Variants in ATXN7 observed in about 807,000 individuals in gnomAD.
ATXN7 encodes the protein ataxin 7, also known as ataxin-7.
A neutral mutation model predicts 70.5 loss-of-function variants in ATXN7; 12 were observed. The observed-to-expected ratio is 0.17, with a 90% CI of 0.11 to 0.28. ATXN7 has a LOEUF of 0.28. Among genes scored for constraint, ATXN7 ranks in the 10% least tolerant of loss-of-function variants. The pLI is 1.00. For missense variants in ATXN7, 1,256 were observed against 1,131.7 expected, an observed-to-expected ratio of 1.11 and a Z score of -1.58; for synonymous variants, 498 against 448.7, an observed-to-expected ratio of 1.11 and a Z score of -1.39.
chr3:63,986,162 ATTCCT>A (rs1245902295), intron 8 of ATXN7, among the ~76,000 whole-genome samples: 1 of 152,198 alleles, frequency 6.6e-6, no homozygotes, highest in African/African-American at 2.4e-5. Flanking sequence ...GGCAGAGCAA[ATTCCT>A]TAGAACCTTA....
Position 63,956,718 on chromosome 3 carries a change from T to G in ATXN7, c.499+4235T>G, listed in dbSNP as rs566443672. Among the ~76,000 whole-genome samples, 7 of 152,280 alleles carry G rather than the reference T, an allele frequency of 4.6e-5. No homozygotes were observed. In the South Asian group the frequency reaches 1.0e-3, roughly 23 times the overall value. On this transcript the variant is annotated intron_variant, in intron 5 of 12. Transcript: ENST00000674280. The stretch of plus-strand genomic sequence containing the variant: ...CAGTCCACTCTGGTGGAGCTGCTGC[T>G]TGGTACATACAGTGGGAGACATACA...
In ATXN7 at chr3:63,979,635, A is replaced by G. The variant is rs970689524; in HGVS notation, c.500-280A>G. 2.6e-5 allele frequency among the ~76,000 whole-genome samples: 4 copies of G among 152,150 alleles called. No homozygotes were observed. The East Asian group carries it at 7.7e-4, about 29-fold the overall frequency. ...TTTAGCACGCAAAACCCAAAAGGCA[A>G]TATTCTCATGTTTACGATGGTTGTC... On this transcript the variant is annotated intron_variant, in intron 5 of 12. Transcript: ENST00000674280.
intron 1 of ATXN7, among the ~76,000 whole-genome samples, chr3:63,891,934 T>C (rs1703279993): frequency 6.6e-6 from 1 of 152,214 alleles, no homozygotes; most frequent in Admixed American, 6.5e-5. Context: ...TTTATCCCAC[T>C]AGCCACTGCC....
chr3:63,905,161 T>G (rs953451866), intron 2 of ATXN7: 3 of 152,186 alleles, frequency 2.0e-5, no homozygotes, highest in African/African-American at 7.2e-5. Flanking sequence ...TTAATTTTGA[T>G]GAAGTTCAAT....
chr3:63,979,869 A>AT, intron 5 of ATXN7, 46 bp from the exon 6 acceptor site: 1 of 1,605,004 alleles, frequency 6.2e-7, no homozygotes, highest in South Asian at 1.1e-5. Flanking sequence ...TACATTTGAG[A>AT]TTCGCCTAAA....
chr3:63,913,310 C>A, intron 4 of ATXN7, 85 bp downstream of exon 4: 1 of 1,354,056 alleles, frequency 7.4e-7, no homozygotes, highest in Non-Finnish European at 1.0e-6. Flanking sequence ...CATCAGCCCA[C>A]CATACCGACT....
chr3:63,926,824 A>G (rs550314847), intron 4 of ATXN7, among the ~76,000 whole-genome samples: 15 of 151,828 alleles, frequency 9.9e-5, no homozygotes, highest in African/African-American at 1.5e-4. Flanking sequence ...TTGCCCCCCA[A>G]TGCCCAACAG....
intron 4 of ATXN7, among the ~76,000 whole-genome samples, chr3:63,933,736 CAATT>C (rs1418918040): frequency 6.6e-6 from 1 of 152,130 alleles, no homozygotes; most frequent in African/African-American, 2.4e-5. Context: ...GTATCCCTCT[CAATT>C]AAGTGGTATT....
chr3:63,879,240 C>A (rs1008475944), intron 1 of ATXN7, among the ~76,000 whole-genome samples: 1 of 152,008 alleles, frequency 6.6e-6, no homozygotes, highest in African/African-American at 2.4e-5. Context: ...ATTAAATATT[C>A]AAAGAGAGAA....
At chr3:63,910,744 A>G (rs148870048) in intron 2 of ATXN7, among the ~76,000 whole-genome samples, 2,141 of 152,352 alleles carry the variant, frequency 0.014, 23 homozygotes, top group Middle Eastern at 0.034. Flanking sequence ...GGAAGTAACC[A>G]TGGTTTCACT....
intron 7 of ATXN7, 137 bp downstream of exon 7, chr3:63,982,582 AAT>A: frequency 1.3e-6 from 1 of 794,132 alleles, no homozygotes; most frequent in South Asian, 1.9e-5. Flanking sequence ...TTCCTTAGTT[AAT>A]ATGTTTGTTC....
At chr3:63,871,945 A>G (rs1702606746) in intron 1 of ATXN7, among the ~76,000 whole-genome samples, 2 of 151,934 alleles carry the variant, frequency 1.3e-5, no homozygotes, top group Non-Finnish European at 2.9e-5. Context: ...TTACCTTCAA[A>G]TTCAACTCAC....
chr3:63,934,688 A>G (rs1055106702), intron 4 of ATXN7, among the ~76,000 whole-genome samples: 9 of 152,268 alleles, frequency 5.9e-5, no homozygotes, highest in East Asian at 5.8e-4. Context: ...TCCCTACCGC[A>G]CTTACCACAG....
At chr3:63,934,416 G>A (rs986452290) in intron 4 of ATXN7, among the ~76,000 whole-genome samples, 1 of 152,066 alleles carries the variant, frequency 6.6e-6, no homozygotes, top group East Asian at 1.9e-4. Context: ...AGCCATGGGT[G>A]GAGAAATCAT....
chr3:63,905,022 A>T (rs1296638726), intron 2 of ATXN7: 3 of 152,024 alleles, frequency 2.0e-5, no homozygotes, highest in Non-Finnish European at 4.4e-5. Flanking sequence ...TGTTGTTGTT[A>T]ATTTACTGGG....
At chr3:63,954,736 T>C (rs1453599634) in intron 5 of ATXN7, among the ~76,000 whole-genome samples, 1 of 132,592 alleles carries the variant, frequency 7.5e-6, no homozygotes, top group Non-Finnish European at 1.5e-5. Flanking sequence ...TGAGACGGAG[T>C]CTCGCTCTGT....
intron 11 of ATXN7, among the ~76,000 whole-genome samples, chr3:63,994,764 C>T (rs768271404): frequency 6.6e-6 from 1 of 152,154 alleles, no homozygotes; most frequent in African/African-American, 2.4e-5. Context: ...GGTTTAAATT[C>T]TGCCAAAGAA....
chr3:64,002,330 C>T lies in ATXN7; in HGVS notation c.*2863C>T. ...TCCTTTACAGTTTTAAGGGATGCCT[C>T]TGTTCTGTGAAAAGTCTTTGTCCCT... On this transcript the variant is annotated 3_prime_UTR_variant, in exon 13 of 13. Coordinates refer to ENST00000674280, the MANE Select transcript of ATXN7 (RefSeq NM_001377405.1). The T allele has an allele frequency of 6.6e-6, 1 of 152,394 alleles. No individual in the cohort carries two copies. The highest frequency in any genetic ancestry group is 1.9e-4 in the East Asian group (1 of 5,176). The allele number at this position is 152,394 out of a possible 1,614,324, so 9.4% of individuals were successfully genotyped here. A position where few individuals can be genotyped will look rare whatever the true frequency, so the allele number is the denominator to read the frequency against.
intron 5 of ATXN7, among the ~76,000 whole-genome samples, chr3:63,966,498 T>TAA (rs2075224609): frequency 6.6e-6 from 1 of 152,198 alleles, no homozygotes; most frequent in Non-Finnish European, 1.5e-5. Context: ...TGATGGCTCT[T>TAA]CCCTTGCGTT....
Sources: allele counts gnomAD v4.1 joint callset (sites outside exome capture counted in the v4.1 genomes callset), GRCh38; gene constraint gnomAD v4.1.1; transcripts MANE v1.5; gene names NCBI Gene and HGNC (gene_info 2026-07-23, HGNC 2026-07-21).